Variants in HS6ST3 observed in about 807,000 individuals in gnomAD.
HS6ST3 encodes the protein heparan sulfate 6-O-sulfotransferase 3.
HS6ST3 carries 12 observed loss-of-function variants against 36.7 expected under a neutral mutation model. The ratio of observed to expected loss-of-function variants is 0.33; its 90% confidence interval spans 0.21 to 0.53. The LOEUF is 0.53. Among genes scored for constraint, HS6ST3 ranks in the 20% least tolerant of loss-of-function variants. HS6ST3 has a pLI of 0.95. For missense variants in HS6ST3, 584 were observed against 640.9 expected (o/e 0.91, Z 0.96); for synonymous variants, 240 against 257.5 (o/e 0.93, Z 0.65).
At chr13:96,667,623 T>C (rs1428776044) in intron 1 of HS6ST3, among the ~76,000 whole-genome samples, 1 of 152,174 alleles carries the variant, frequency 6.6e-6, no homozygotes, top group Non-Finnish European at 1.5e-5. Context: ...TATTAACTTA[T>C]TTTTTTAGAA....
chr13:96,235,204 A>G (rs2054528519), intron 1 of HS6ST3, among the ~76,000 whole-genome samples: 1 of 152,200 alleles, frequency 6.6e-6, no homozygotes, highest in African/African-American at 2.4e-5. Flanking sequence ...AATAATATAT[A>G]TGACTAAATG....
intron 1 of HS6ST3, among the ~76,000 whole-genome samples, chr13:96,094,489 C>A (rs183468804): frequency 4.0e-4 from 61 of 152,208 alleles, no homozygotes; most frequent in Non-Finnish European, 8.7e-4. Context: ...CAAACTTAAA[C>A]AATAAGTTGA....
At chr13:96,225,160 C>G (rs1220366738) in intron 1 of HS6ST3, among the ~76,000 whole-genome samples, 1 of 152,184 alleles carries the variant, frequency 6.6e-6, no homozygotes, top group African/African-American at 2.4e-5. Flanking sequence ...CTTAATTGGT[C>G]ACACCTGACA....
chr13:96,486,530 G>A (rs1034984733), intron 1 of HS6ST3, among the ~76,000 whole-genome samples: 12 of 152,072 alleles, frequency 7.9e-5, no homozygotes, highest in African/African-American at 1.2e-4. Context: ...AGCACTTGTC[G>A]TTTTCTGACT....
rs112222995 is a variant in HS6ST3 at position 96,423,512 on chromosome 13, G to A, written c.707+331943G>A. On this transcript the variant is annotated intron_variant, in intron 1 of 1. Transcript: ENST00000376705. ...GAGGGTGACTGTCTGATATGGGGTG[G>A]ACAGTCAAGACCTCTGAAGAGGTGA... 9.7e-3 allele frequency among the ~76,000 whole-genome samples: 1,468 copies of A among 151,814 alleles called. 18 individuals are homozygous for A. The highest frequency in any genetic ancestry group is 0.032 in the African/African-American group (1,330 of 41,372).
intron 1 of HS6ST3, among the ~76,000 whole-genome samples, chr13:96,681,083 G>A (rs2056716874): frequency 6.6e-6 from 1 of 152,164 alleles, no homozygotes; most frequent in Non-Finnish European, 1.5e-5. Flanking sequence ...TTGCCTAGTT[G>A]AAATCGTGGA....
At chr13:96,399,046 A>C (rs1188127109) in intron 1 of HS6ST3, among the ~76,000 whole-genome samples, 2 of 152,222 alleles carry the variant, frequency 1.3e-5, no homozygotes, top group Non-Finnish European at 2.9e-5. Context: ...CTCCTGACTC[A>C]TAGAAACTGC....
At chr13:96,443,443 T>G (rs1293082803) in intron 1 of HS6ST3, among the ~76,000 whole-genome samples, 1 of 143,192 alleles carries the variant, frequency 7.0e-6, no homozygotes, top group Admixed American at 7.4e-5. Context: ...GGCAGGAGAA[T>G]GGCATGAACC....
In HS6ST3 at chr13:96,141,923, G is replaced by A. The variant is rs373301622; in HGVS notation, c.707+50354G>A. On this transcript the variant is annotated intron_variant, in intron 1 of 1. Transcript: ENST00000376705. ...GTTATAAAGTTGTAAATGCCATCAA[G>A]CCTGAAACCACTAAATTCCTGCTGA... 1.1e-4 allele frequency among the ~76,000 whole-genome samples: 16 copies of A among 151,508 alleles called. No individual in the cohort carries two copies. In the East Asian group the frequency reaches 2.3e-3, roughly 22 times the overall value.
chr13:96,099,760 C>T (rs1010612044), intron 1 of HS6ST3, among the ~76,000 whole-genome samples: 5 of 152,160 alleles, frequency 3.3e-5, no homozygotes, highest in African/African-American at 7.2e-5. Flanking sequence ...TCGATGTCCT[C>T]GGTATTTATT....
At chr13:96,492,717 T>A (rs1461642731) in intron 1 of HS6ST3, among the ~76,000 whole-genome samples, 1 of 152,206 alleles carries the variant, frequency 6.6e-6, no homozygotes, top group East Asian at 1.9e-4. Flanking sequence ...TAAAATTGAT[T>A]TGAGTCTTCT....
chr13:96,235,887 G>A (rs1490698268), intron 1 of HS6ST3, among the ~76,000 whole-genome samples: 1 of 152,142 alleles, frequency 6.6e-6, no homozygotes, highest in African/African-American at 2.4e-5. Flanking sequence ...TTAGGAGAAT[G>A]GGCTTACATG....
intron 1 of HS6ST3, among the ~76,000 whole-genome samples, chr13:96,763,287 A>G (rs1214652295): frequency 1.3e-5 from 2 of 149,270 alleles, no homozygotes; most frequent in Non-Finnish European, 3.0e-5. Context: ...TTTCTATGTA[A>G]TATAAATAAT....
chr13:96,334,584 A>G (rs983302760), intron 1 of HS6ST3, among the ~76,000 whole-genome samples: 6 of 152,236 alleles, frequency 3.9e-5, no homozygotes, highest in Admixed American at 2.0e-4. Flanking sequence ...AGGCCCCACA[A>G]TGATGGTGGA....
intron 1 of HS6ST3, among the ~76,000 whole-genome samples, chr13:96,600,812 G>A (rs2056418763): frequency 6.6e-6 from 1 of 151,876 alleles, no homozygotes; most frequent in African/African-American, 2.4e-5. Flanking sequence ...TAATGACCTT[G>A]TTTCTATATT....
At chr13:96,764,475 A>G (rs542722807) in intron 1 of HS6ST3, among the ~76,000 whole-genome samples, 34 of 152,358 alleles carry the variant, frequency 2.2e-4, no homozygotes, top group Admixed American at 7.8e-4. Context: ...TCACACTGTA[A>G]CTTGCTAACA....
chr13:96,373,584 A>G (rs1487879208), intron 1 of HS6ST3, among the ~76,000 whole-genome samples: 1 of 152,216 alleles, frequency 6.6e-6, no homozygotes, highest in Non-Finnish European at 1.5e-5. Flanking sequence ...GTGTGTCATT[A>G]CTTGCATTCC....
chr13:96,827,861 G>A (rs558248376), intron 1 of HS6ST3, among the ~76,000 whole-genome samples: 25 of 152,270 alleles, frequency 1.6e-4, no homozygotes, highest in African/African-American at 6.0e-4. Flanking sequence ...GTACTGGAAG[G>A]TCCATGGCCA....
chr13:96,736,414 A>G (rs184134387), intron 1 of HS6ST3, among the ~76,000 whole-genome samples: 13 of 152,336 alleles, frequency 8.5e-5, no homozygotes, highest in Admixed American at 3.9e-4. Context: ...ATAAGAGTGC[A>G]GTTCTAACAG....
Sources: allele counts gnomAD v4.1 joint callset (sites outside exome capture counted in the v4.1 genomes callset), GRCh38; gene constraint gnomAD v4.1.1; transcripts MANE v1.5; gene names NCBI Gene and HGNC (gene_info 2026-07-23, HGNC 2026-07-21).